The following SMCO4 variants were observed in gnomAD, a reference collection of about 807,000 sequenced individuals.
SMCO4 encodes single-pass membrane and coiled-coil domain-containing protein 4.
SMCO4 carries 4 observed loss-of-function variants against 3.6 expected under a neutral mutation model. The ratio of observed to expected loss-of-function variants is 1.11; its 90% CI spans 0.54 to 2.53. The LOEUF (loss-of-function observed/expected upper bound fraction) is 2.53, where lower values mean the gene tolerates loss of function less well. Among genes scored for constraint, SMCO4 ranks in the 30% most tolerant of loss-of-function variants. SMCO4 has a pLI of 0.02. For synonymous variants in SMCO4, 36 were observed against 35.3 expected, an observed-to-expected ratio of 1.02 and a Z score of -0.07; for missense variants, 70 against 80.8, an observed-to-expected ratio of 0.87 and a Z score of 0.51.
chr11:93,549,374 G>A, the SMCO4 span, among the ~76,000 whole-genome samples: 2 of 152,182 alleles, frequency 1.3e-5, no homozygotes, highest in African/African-American at 2.4e-5. Flanking sequence ...CTTGATTGGT[G>A]TTACCTGAAG....
At chr11:93,514,565 C>T (rs1486666988) in intron 1 of SMCO4, among the ~76,000 whole-genome samples, 1 of 151,800 alleles carries the variant, frequency 6.6e-6, no homozygotes, top group South Asian at 2.1e-4. Context: ...AGCTGCCTCA[C>T]GTATTACTTT....
At chr11:93,544,023 C>T (rs1280797240), upstream of SMCO4, among the ~76,000 whole-genome samples, 6 of 152,170 alleles carry the variant, frequency 3.9e-5, no homozygotes, top group Non-Finnish European at 8.8e-5. Context: ...GCAAGAGGCC[C>T]ACGGCTAAAT....
At chr11:93,546,814 G>A (rs1949319091), upstream of SMCO4, among the ~76,000 whole-genome samples, 1 of 152,200 alleles carries the variant, frequency 6.6e-6, no homozygotes, top group Admixed American at 6.5e-5. Context: ...GAGGTCTGGT[G>A]CAGCTTGCCC....
intron 1 of SMCO4, among the ~76,000 whole-genome samples, chr11:93,541,437 A>G (rs903851943): frequency 6.6e-6 from 1 of 152,212 alleles, no homozygotes; most frequent in Non-Finnish European, 1.5e-5. Flanking sequence ...AGATGGCAGA[A>G]GCATAGTTGT....
intron 2 of SMCO4, among the ~76,000 whole-genome samples, chr11:93,482,664 A>G (rs1007946491): frequency 1.3e-5 from 2 of 152,218 alleles, no homozygotes; most frequent in African/African-American, 4.8e-5. Flanking sequence ...GAGAAGACAG[A>G]GGCATTTGTG....
chr11:93,487,311 A>G (rs1481169717), intron 2 of SMCO4, among the ~76,000 whole-genome samples: 1 of 152,196 alleles, frequency 6.6e-6, no homozygotes, highest in African/African-American at 2.4e-5. Flanking sequence ...TGCTGATAAC[A>G]TAAGCGTCTG....
intron 2 of SMCO4, among the ~76,000 whole-genome samples, chr11:93,488,467 G>T (rs115798721): frequency 1.3e-5 from 2 of 152,226 alleles, no homozygotes; most frequent in African/African-American, 2.4e-5. Flanking sequence ...TCCAGGATAC[G>T]GGTAGATGTG....
At chr11:93,505,410 A>C (rs115382722) in intron 1 of SMCO4, among the ~76,000 whole-genome samples, 1 of 152,258 alleles carries the variant, frequency 6.6e-6, no homozygotes, top group Non-Finnish European at 1.5e-5. Flanking sequence ...GTATTACCCA[A>C]CCTAGCAGTG....
At chr11:93,545,434 A>G (rs1344333748), upstream of SMCO4, among the ~76,000 whole-genome samples, 1 of 152,006 alleles carries the variant, frequency 6.6e-6, no homozygotes, top group Non-Finnish European at 1.5e-5. Flanking sequence ...TGAAAATACA[A>G]AAACTAGCTG....
chr11:93,494,367 C>G (rs887570594), intron 2 of SMCO4, among the ~76,000 whole-genome samples: 1 of 152,148 alleles, frequency 6.6e-6, no homozygotes, highest in African/African-American at 2.4e-5. Flanking sequence ...TAACCACCAA[C>G]CAAAAAATGT....
At chr11:93,518,913 C>T (rs761945109) in intron 1 of SMCO4, among the ~76,000 whole-genome samples, 7 of 152,178 alleles carry the variant, frequency 4.6e-5, no homozygotes, top group African/African-American at 9.7e-5. Flanking sequence ...GCTGAATTCC[C>T]GCCCTGGTTC....
chr11:93,484,352 C>T (rs1350333382), intron 2 of SMCO4, among the ~76,000 whole-genome samples: 2 of 152,080 alleles, frequency 1.3e-5, no homozygotes, highest in Non-Finnish European at 2.9e-5. Flanking sequence ...CACTTTTCTC[C>T]GATTTGGAGA....
At chr11:93,497,465 G>A (rs1314320377) in intron 2 of SMCO4, among the ~76,000 whole-genome samples, 1 of 152,172 alleles carries the variant, frequency 6.6e-6, no homozygotes, top group Non-Finnish European at 1.5e-5. Flanking sequence ...AGACTGACTG[G>A]AAGGTCTCAG....
rs74436377 is a variant in SMCO4, at chr11:93,502,758, C to T, written c.-153-3410G>A. 8.9e-3 allele frequency among the ~76,000 whole-genome samples: 1,355 copies of T among 152,196 alleles called. 20 individuals carry two copies. Among genetic ancestry groups the T allele is most frequent in the African/African-American group, 0.03 (1,244 of 41,522 alleles). ...CCTGAGATAAAAAATGAAAAAGAAA[C>T]TTATCCAACAAAAGGACAGAATTAG... On this transcript the variant is annotated intron_variant, in intron 1 of 2. Transcript: ENST00000298966.
intron 1 of SMCO4, among the ~76,000 whole-genome samples, chr11:93,542,228 G>A (rs1324996111): frequency 3.9e-5 from 6 of 151,990 alleles, no homozygotes; most frequent in African/African-American, 1.2e-4. Context: ...ACCAACCTAC[G>A]CAGACACTAG....
Position 93,498,977 on chromosome 11 carries a change from G to T in SMCO4, c.-81+299C>A, listed in dbSNP as rs75302266. Among the ~76,000 whole-genome samples the T allele has an allele frequency of 1.9e-3, 289 of 152,248 alleles. 7 individuals are homozygous for T. In the East Asian group the frequency reaches 0.034, roughly 18 times the overall value. Reference sequence around the variant, plus strand: ...GGGGGTGTGTCACAGACCTCTACCCGACTGGCCAAGAGAGGAAGGGTGAGA... The same window carrying T: ...GGGGGTGTGTCACAGACCTCTACCCTACTGGCCAAGAGAGGAAGGGTGAGA... On this transcript the variant is annotated intron_variant, in intron 2 of 2. Coordinates refer to ENST00000298966, the MANE Select transcript of SMCO4 (RefSeq NM_020179.3).
chr11:93,489,362 T>TA (rs1256318052), intron 2 of SMCO4, among the ~76,000 whole-genome samples: 1 of 152,044 alleles, frequency 6.6e-6, no homozygotes, highest in Non-Finnish European at 1.5e-5. Context: ...GTATGAAAAA[T>TA]AATTCCTCAA....
intron 2 of SMCO4, among the ~76,000 whole-genome samples, chr11:93,479,526 T>C (rs1948566593): frequency 1.3e-5 from 2 of 152,274 alleles, no homozygotes; most frequent in Middle Eastern, 3.4e-3. Context: ...CAAATAATAC[T>C]GTGTTCTGTA....
At chr11:93,540,863 T>C (rs939058018) in intron 1 of SMCO4, among the ~76,000 whole-genome samples, 3 of 152,234 alleles carry the variant, frequency 2.0e-5, no homozygotes, top group Admixed American at 1.3e-4. Flanking sequence ...GAAGATATCA[T>C]TTTTAACACT....
Sources: allele counts gnomAD v4.1 joint callset (sites outside exome capture counted in the v4.1 genomes callset), GRCh38; gene constraint gnomAD v4.1.1; transcripts MANE v1.5; gene names NCBI Gene and HGNC (gene_info 2026-07-23, HGNC 2026-07-21).